SLC9A5: variants seen among roughly 807,000 people sequenced by gnomAD.
SLC9A5 encodes sodium/hydrogen exchanger 5.
SLC9A5 carries 52 observed loss-of-function variants against 91.7 expected under a neutral mutation model. The observed-to-expected ratio is 0.57, with a 90% CI of 0.45 to 0.71. The LOEUF (loss-of-function observed/expected upper bound fraction) is 0.71. Among genes scored for constraint, SLC9A5 ranks in the 30% least tolerant of loss-of-function variants. The pLI, the probability that SLC9A5 is intolerant of heterozygous loss-of-function variation, is 0.00. For synonymous variants in SLC9A5, 419 were observed against 474.5 expected (o/e 0.88, Z 1.52); for missense variants, 871 against 1,158.9 (o/e 0.75, Z 3.61).
At position 67,271,733 on chromosome 16, in the gene SLC9A5, G is replaced by A. The variant is rs1756746505; in HGVS notation, c.*523G>A. The stretch of plus-strand genomic sequence containing the variant: ...ACCCTTGGGCTTTGCTGCCCTGTTG[G>A]GTCAGCTACCCATAGTCCATTTTTT... On this transcript the variant is annotated 3_prime_UTR_variant, in exon 16 of 16. Transcript: ENST00000299798. The A allele has an allele frequency of 6.5e-6, 1 of 154,380 alleles. No individual in the cohort carries two copies. The highest frequency in any genetic ancestry group is 6.4e-5 in the Admixed American group (1 of 15,734). 9.6% of individuals were successfully genotyped at this position (154,380 alleles called of 1,614,324 possible).
In SLC9A5 at chr16:67,270,900, G is replaced by C. The variant is rs778159601; in HGVS notation, c.2381G>C (p.Ser794Thr). ...PVDMQTGWNQ[S>T]ISSLESLASP... ...GACATGCAGACGGGTTGGAACCAGA[G>C]CATCTCATCCCTGGAGAGCCTAGCG... The change falls in exon 16 of 16, where the codon AGC becomes ACC. Residue 794 changes from serine (S) to threonine (T), a missense_variant. Ser to Thr is a moderately conservative substitution (Grantham distance 58). This residue lies in a region of SLC9A5 where 295 missense variants were observed against 326.0 expected (regional missense o/e 0.90). Transcript: ENST00000299798. The surrounding 1 kb of genome is among the most constrained non-coding windows in gnomAD (Gnocchi z 4.3). 29 of 1,614,094 alleles carry C rather than the reference G, an allele frequency of 1.8e-5. No individual in the cohort carries two copies. The highest frequency in any genetic ancestry group is 2.5e-5 in the Non-Finnish European group (29 of 1,180,018).
rs1295959520 is a variant in SLC9A5, at chr16:67,264,462, C to G, written c.1953C>G (p.Thr651=). The G allele has an allele frequency of 1.2e-6, 2 of 1,614,070 alleles. No individual in the cohort carries two copies. The highest frequency in any genetic ancestry group is 1.7e-6 in the Non-Finnish European group (2 of 1,180,018). The stretch of plus-strand genomic sequence containing the variant: ...GGCGGCTGGAGTCCTTTAAGTCCAC[C>G]AAGCACAACATCTGCTTCACCAAGA... ...MKRRLESFKS[T]KHNICFTKSK... is the part of the protein sequence containing the mutation. Residue 651 remains threonine, a synonymous_variant, in exon 13 of 16, where the codon ACC becomes ACG. Coordinates refer to ENST00000299798, the MANE Select transcript of SLC9A5 (RefSeq NM_004594.3).
At chr16:67,249,228 C>A (rs372394073) in intron 1 of SLC9A5, 27 bp downstream of exon 1, 39 of 1,382,844 alleles carry the variant, frequency 2.8e-5, no homozygotes, top group African/African-American at 4.5e-5. Flanking sequence ...GTGCGCCAGG[C>A]CGACCGCCAG....
rs1567406004 is a variant in SLC9A5, at chr16:67,252,527, CTT to C, written c.188-11_188-10del. The C allele has an allele frequency of 6.2e-7, 1 of 1,604,142 alleles. No individual in the cohort carries two copies. Among genetic ancestry groups the C allele is most frequent in the East Asian group, 2.2e-5 (1 of 44,756 alleles). On this transcript the variant is annotated splice_polypyrimidine_tract_variant and intron_variant, in intron 1 of 15. Coordinates refer to ENST00000299798, the MANE Select transcript of SLC9A5 (RefSeq NM_004594.3). The surrounding 1 kb of genome is among the most constrained non-coding windows in gnomAD (Gnocchi z 4.0). ...TCCATAAACTGATCCATCCTGCACT[CTT>C]TTTGCATTGCAGTGTTTCACCTGTC...
rs940276022 is a variant in SLC9A5, at chr16:67,252,219, G to A, written c.188-323G>A. Among the ~76,000 whole-genome samples the A allele has an allele frequency of 2.0e-5, 3 of 152,168 alleles. No homozygotes were observed. The highest frequency in any genetic ancestry group is 2.9e-5 in the Non-Finnish European group (2 of 68,036). On this transcript the variant is annotated intron_variant, in intron 1 of 15. Transcript: ENST00000299798. This position sits in a 1 kb window ranked among gnomAD's most constrained non-coding sequence, Gnocchi z 4.0. ...AATCCCAGCACTTTGGGAGGCCAAG[G>A]TGGGCGGATCATGAGGTCAGGAGTT...
At position 67,249,275 on chromosome 16, in the gene SLC9A5, C is replaced by T. The variant is rs1435771609; in HGVS notation, c.187+74C>T. On this transcript the variant is annotated intron_variant, in intron 1 of 15. Transcript: ENST00000299798. ...CCCCCAACACCCCCACCTCCTCGGT[C>T]CTCAGATTGGGGCTGGCTTCTTGCA... 5 of 1,213,198 alleles carry T rather than the reference C, an allele frequency of 4.1e-6. No individual in the cohort carries two copies. The East Asian group carries it at 9.4e-5, about 23-fold the overall frequency. 75.2% of individuals were successfully genotyped at this position (1,213,198 alleles called of 1,614,324 possible).
intron 1 of SLC9A5, among the ~76,000 whole-genome samples, chr16:67,249,663 A>G (rs1348545801): frequency 6.6e-6 from 1 of 152,130 alleles, no homozygotes; most frequent in East Asian, 1.9e-4. Flanking sequence ...CCGAGTGTCC[A>G]TTCCCTTGGG....
Position 67,249,771 on chromosome 16 carries a change from C to G in SLC9A5, c.187+570C>G, listed in dbSNP as rs117788191. Among the ~76,000 whole-genome samples the G allele has an allele frequency of 7.3e-3, 1,105 of 152,328 alleles. 28 individuals are homozygous for G. Among genetic ancestry groups the G allele is most frequent in the Admixed American group, 0.046 (698 of 15,300 alleles). ...TATGGGTACCCCCCCAACCCACGTT[C>G]AGGTCCACATTCTTCTCACTTCAGG... On this transcript the variant is annotated intron_variant, in intron 1 of 15. Transcript: ENST00000299798.
At chr16:67,266,308 C>A in intron 15 of SLC9A5, 83 bp downstream of exon 15, 1 of 1,330,732 alleles carries the variant, frequency 7.5e-7, no homozygotes. Context: ...CTCCAGACAA[C>A]TCCCTTTTCC....
At chr16:67,259,479 C>A in intron 10 of SLC9A5, 94 bp from the exon 11 acceptor site, 1 of 849,286 alleles carries the variant, frequency 1.2e-6, no homozygotes, top group Non-Finnish European at 2.0e-6. Context: ...AAAGAGTAAA[C>A]TAAGTGTTCG....
intron 2 of SLC9A5, among the ~76,000 whole-genome samples, chr16:67,254,553 C>A (rs866046031): frequency 2.3e-4 from 35 of 152,160 alleles, no homozygotes; most frequent in Middle Eastern, 3.4e-3. Flanking sequence ...TGCACCACTG[C>A]GCCTGGCTAC....
In SLC9A5 at chr16:67,257,508, C is replaced by A; in HGVS notation, c.1426-23C>A. 6.2e-7 allele frequency: 1 copy of A among 1,613,728 alleles called. No homozygotes were observed. On this transcript the variant is annotated intron_variant, in intron 8 of 15. Coordinates refer to ENST00000299798, the MANE Select transcript of SLC9A5 (RefSeq NM_004594.3). The surrounding 1 kb of genome is among the most constrained non-coding windows in gnomAD (Gnocchi z 5.1). ...ATTTTGGGCAGAGTCCTGATCCAGT[C>A]CCCCTACCCACCCCCCTTCTAGACT...
chr16:67,258,234 C>A lies in SLC9A5; in HGVS notation c.1497-84C>A. On this transcript the variant is annotated intron_variant, in intron 9 of 15. Coordinates refer to ENST00000299798, the MANE Select transcript of SLC9A5 (RefSeq NM_004594.3). This position sits in a 1 kb window ranked among gnomAD's most constrained non-coding sequence, Gnocchi z 4.5. ...ATCTAAAAAGCCAGGCCAGTGCTGA[C>A]GGTGTCCTTGCCCCGTCTGAGGAAG... 1 of 1,452,590 alleles carries A rather than the reference C, an allele frequency of 6.9e-7. No homozygotes were observed. Among genetic ancestry groups the A allele is most frequent in the Non-Finnish European group, 9.5e-7 (1 of 1,048,030 alleles). The allele number at this position is 1,452,590 out of a possible 1,614,324, so 90.0% of individuals were successfully genotyped here.
At chr16:67,253,925 T>G (rs1326914065) in intron 2 of SLC9A5, among the ~76,000 whole-genome samples, 1 of 152,216 alleles carries the variant, frequency 6.6e-6, no homozygotes, top group Non-Finnish European at 1.5e-5. Flanking sequence ...AGGTTAATGA[T>G]TCACACTTTT....
chr16:67,254,049 A>G (rs116845376), intron 2 of SLC9A5, among the ~76,000 whole-genome samples: 2 of 152,360 alleles, frequency 1.3e-5, no homozygotes, highest in African/African-American at 2.4e-5. Context: ...ATCAGATCAT[A>G]ATAACAGTAA....
Position 67,255,094 on chromosome 16 carries a change from C to T in SLC9A5, c.564C>T (p.Ala188=), listed in dbSNP as rs377688496. 1.2e-5 allele frequency: 20 copies of T among 1,613,902 alleles called. No homozygotes were observed. Among genetic ancestry groups the T allele is most frequent in the African/African-American group, 9.4e-5 (7 of 74,866 alleles). The change falls in exon 3 of 16, where the codon GCC becomes GCT. Residue 188 remains alanine, a synonymous_variant. Coordinates refer to ENST00000299798, the MANE Select transcript of SLC9A5 (RefSeq NM_004594.3). This position sits in a 1 kb window ranked among gnomAD's most constrained non-coding sequence, Gnocchi z 4.9. ...GSLISAVDPV[A]VLAVFEEVHV... The stretch of plus-strand genomic sequence containing the variant: ...TCATCTCGGCGGTGGACCCCGTGGC[C>T]GTGCTAGCTGTCTTTGAGGAGGTGC...
At position 67,256,647 on chromosome 16, in the gene SLC9A5, G is replaced by A; in HGVS notation, c.1090G>A (p.Val364Met). 1 of 1,613,872 alleles carries A rather than the reference G, an allele frequency of 6.2e-7. No homozygotes were observed. ...TAAGTGGGCCTGGGATTCTGGGCTG[G>A]TGCTGGGCACCCTCATCTTCATCCT... ...SSKWAWDSGLVLGTLIFILFF... is the reference protein window; with the variant it reads ...SSKWAWDSGLMLGTLIFILFF... The change falls in exon 6 of 16, where the codon GTG (valine) becomes ATG (methionine). Residue 364 changes from valine to methionine, a missense_variant. Val to Met is a conservative substitution (Grantham distance 21). Around this residue, in one of 3 missense-constraint regions of SLC9A5, gnomAD observed 454 missense variants for 718.3 expected, o/e 0.63. Transcript: ENST00000299798. This position sits in a 1 kb window ranked among gnomAD's most constrained non-coding sequence, Gnocchi z 4.1.
At chr16:67,254,048 T>A (rs2035224369) in intron 2 of SLC9A5, among the ~76,000 whole-genome samples, 1 of 152,248 alleles carries the variant, frequency 6.6e-6, no homozygotes, top group Non-Finnish European at 1.5e-5. Flanking sequence ...CATCAGATCA[T>A]AATAACAGTA....
chr16:67,268,825 T>C (rs1448816335), intron 15 of SLC9A5, among the ~76,000 whole-genome samples: 1 of 149,522 alleles, frequency 6.7e-6, no homozygotes, highest in Non-Finnish European at 1.5e-5. Flanking sequence ...CCCAGAGACA[T>C]TTTTGGTTGT....
Sources: gnomAD v4.1 joint callset for allele counts (sites outside exome capture counted in the v4.1 genomes callset) on GRCh38, gnomAD v4.1.1 for gene constraint, gnomAD v4.1.1 regional missense constraint, Gnocchi (gnomAD v3.1) non-coding constraint, MANE v1.5 for transcripts, NCBI Gene and HGNC (gene_info 2026-07-23, HGNC 2026-07-21) for gene names.